ZMIZ1: variants seen among roughly 807,000 people sequenced by gnomAD.
ZMIZ1 encodes zinc finger MIZ-type containing 1.
A neutral mutation model predicts 113.9 loss-of-function variants in ZMIZ1; 17 were observed. The observed-to-expected ratio is 0.15, with a 90% CI of 0.10 to 0.22. The LOEUF (loss-of-function observed/expected upper bound fraction) is 0.22, where lower values mean the gene tolerates loss of function less well. Among genes scored for constraint, ZMIZ1 ranks in the 10% least tolerant of loss-of-function variants. The pLI is 1.00. For missense variants in ZMIZ1, 1,059 were observed against 1,477.8 expected, an observed-to-expected ratio of 0.72 and a Z score of 4.65; for synonymous variants, 607 against 603.1, an observed-to-expected ratio of 1.01 and a Z score of -0.09.
At position 79,254,013 on chromosome 10, in the gene ZMIZ1, A is replaced by G. The variant is rs188536622; in HGVS notation, c.281-23168A>G. Among the ~76,000 whole-genome samples, 457 of 152,334 alleles carry G rather than the reference A, an allele frequency of 3.0e-3. 7 individuals carry two copies. Among genetic ancestry groups the G allele is most frequent in the Non-Finnish European group, 6.8e-4 (46 of 68,028 alleles). ...TAGCTTAAATTTTTATTTTCAGCCA[A>G]CTTTGTTTTTAATGTTGAGTAGCTA... On this transcript the variant is annotated intron_variant, in intron 7 of 24. Transcript: ENST00000334512.
In ZMIZ1 at chr10:79,310,255, G is replaced by A. The variant is rs1837185820; in HGVS notation, c.2836-669G>A. ...AGTGGGATGTCTAGGAAAAGGGTCT[G>A]GCAGGGTGTGAAGATGCCCCTGGCT... is the stretch of plus-strand genomic sequence containing the variant. On this transcript the variant is annotated intron_variant, in intron 23 of 24. Coordinates refer to ENST00000334512, the MANE Select transcript of ZMIZ1 (RefSeq NM_020338.4). Among the ~76,000 whole-genome samples the A allele has an allele frequency of 2.0e-5, 3 of 152,194 alleles. No individual in the cohort carries two copies. The South Asian group carries it at 6.2e-4, about 31-fold the overall frequency.
At chr10:79,178,536 C>T (rs1452372676) in intron 4 of ZMIZ1, among the ~76,000 whole-genome samples, 1 of 152,202 alleles carries the variant, frequency 6.6e-6, no homozygotes, top group Non-Finnish European at 1.5e-5. Flanking sequence ...CAGGAGGAGC[C>T]ATCTTCAGCC....
chr10:79,155,713 G>A (rs904538373), intron 3 of ZMIZ1, among the ~76,000 whole-genome samples: 1 of 152,242 alleles, frequency 6.6e-6, no homozygotes, highest in Admixed American at 6.5e-5. Context: ...GCCTTGGAGA[G>A]GCCCCCAGGG....
At position 79,297,515 on chromosome 10, in the gene ZMIZ1, AT is replaced by A. The variant is rs373827642; in HGVS notation, c.1414-97del. 24 of 1,016,484 alleles carry A rather than the reference AT, an allele frequency of 2.4e-5. No homozygotes were observed. In the African/African-American group the frequency reaches 3.3e-4, roughly 14 times the overall value. 63.0% of individuals were successfully genotyped at this position (1,016,484 alleles called of 1,614,324 possible). On this transcript the variant is annotated intron_variant, in intron 13 of 24. Coordinates refer to ENST00000334512, the MANE Select transcript of ZMIZ1 (RefSeq NM_020338.4). ...CCAGCAGTGGATGGGCCCCTGTAGC[AT>A]CCCCGTGCTCCTGGTAGATTTTACT...
chr10:79,299,911 A>C (rs1173008604), intron 16 of ZMIZ1, among the ~76,000 whole-genome samples: 3 of 151,388 alleles, frequency 2.0e-5, no homozygotes, highest in Non-Finnish European at 4.4e-5. Context: ...CTTCATCCTC[A>C]GTCAAGACTC....
intron 1 of ZMIZ1, among the ~76,000 whole-genome samples, chr10:79,088,336 C>G (rs4512768): frequency 0.31 from 46,595 of 152,184 alleles, 7,351 homozygotes; most frequent in Non-Finnish European, 0.33. Flanking sequence ...GCAAAACTCC[C>G]TGGGCAGGGC....
intron 3 of ZMIZ1, among the ~76,000 whole-genome samples, chr10:79,160,504 T>G (rs566440389): frequency 3.3e-5 from 5 of 152,358 alleles, no homozygotes; most frequent in Admixed American, 6.5e-5. Context: ...GAGGGAGGCC[T>G]TCTCTTTATT....
chr10:79,183,293 T>G (rs1415409310), intron 4 of ZMIZ1, among the ~76,000 whole-genome samples: 3 of 152,138 alleles, frequency 2.0e-5, no homozygotes, highest in Non-Finnish European at 4.4e-5. Flanking sequence ...TCTGTTTTCT[T>G]GGAGGGTTAT....
At chr10:79,101,151 G>A (rs1832388) in intron 1 of ZMIZ1, among the ~76,000 whole-genome samples, 2,754 of 152,262 alleles carry the variant, frequency 0.018, 85 homozygotes, top group African/African-American at 0.063. Flanking sequence ...GAGTAATTCA[G>A]CATACAGTTG....
intron 4 of ZMIZ1, among the ~76,000 whole-genome samples, chr10:79,193,691 G>T (rs931071438): frequency 6.6e-6 from 1 of 152,182 alleles, no homozygotes; most frequent in African/African-American, 2.4e-5. Flanking sequence ...ACATGGAGGG[G>T]ATAGGGATGG....
At chr10:79,178,994 T>G (rs965214504) in intron 4 of ZMIZ1, among the ~76,000 whole-genome samples, 2 of 152,204 alleles carry the variant, frequency 1.3e-5, no homozygotes, top group African/African-American at 4.8e-5. Context: ...TGGGCCCATC[T>G]CAGTCCAGAC....
At chr10:79,210,378 G>A (rs553421415) in intron 6 of ZMIZ1, among the ~76,000 whole-genome samples, 2 of 152,346 alleles carry the variant, frequency 1.3e-5, no homozygotes, top group East Asian at 3.9e-4. Flanking sequence ...TCTTGTTGGG[G>A]GACAGGCCCT....
At chr10:79,103,767 CCCTGGGGG>C (rs1234138547) in intron 1 of ZMIZ1, among the ~76,000 whole-genome samples, 3 of 152,116 alleles carry the variant, frequency 2.0e-5, no homozygotes, top group African/African-American at 7.2e-5. Flanking sequence ...GCGAGTGCTT[CCCTGGGGG>C]CCTGGCCTGG....
chr10:79,291,300 A>G (rs772637892), intron 10 of ZMIZ1, 124 bp downstream of exon 10: 4 of 1,240,716 alleles, frequency 3.2e-6, no homozygotes, highest in Non-Finnish European at 4.3e-6. Flanking sequence ...CTCTGTTGTT[A>G]CATGAGTTGA....
In ZMIZ1 at chr10:79,200,367, G is replaced by A. The variant is rs114068147; in HGVS notation, c.-49-1217G>A. On this transcript the variant is annotated intron_variant, in intron 4 of 24. Transcript: ENST00000334512. ...CCTTCCTCTCTCTACCTAGATCCCC[G>A]CCTTTGCTGTGTGGCCTCCCTGGAG... Among the ~76,000 whole-genome samples the A allele has an allele frequency of 9.6e-3, 1,456 of 152,304 alleles. 29 individuals are homozygous for A. Among genetic ancestry groups the A allele is most frequent in the African/African-American group, 0.033 (1,388 of 41,572 alleles).
chr10:79,312,606 C>T (rs758746009), intron 24 of ZMIZ1, 36 bp from the exon 25 acceptor site: 14 of 1,610,464 alleles, frequency 8.7e-6, no homozygotes, highest in Admixed American at 1.7e-5. Flanking sequence ...CTCTCAGGCA[C>T]ACCTCATCTG....
chr10:79,217,529 AAC>A (rs1479832975), intron 7 of ZMIZ1, among the ~76,000 whole-genome samples: 1 of 152,254 alleles, frequency 6.6e-6, no homozygotes, highest in Non-Finnish European at 1.5e-5. Flanking sequence ...GAAAAAAAGA[AAC>A]AGTTATTTCC....
rs776623255 is a variant in ZMIZ1 at position 79,208,355 on chromosome 10, A to C, written c.80A>C (p.Asn27Thr). 1.9e-6 allele frequency: 3 copies of C among 1,614,046 alleles called. No homozygotes were observed. Among genetic ancestry groups the C allele is most frequent in the Non-Finnish European group, 2.5e-6 (3 of 1,180,004 alleles). ...CCACAGCACTTACAGAATCCTGCCA[A>C]CTTCCACAATGCCGCCACGGAGCTG... ...CIKQHLQNPA[N>T]FHNAATELLD... Residue 27 changes from asparagine (N) to threonine (T), a missense_variant, in exon 6 of 25, where the codon AAC (asparagine) becomes ACC (threonine). This residue lies in a region of ZMIZ1 where 272 missense variants were observed against 350.4 expected (regional missense o/e 0.78). Transcript: ENST00000334512.
In ZMIZ1 at chr10:79,296,572, C is replaced by T; in HGVS notation, c.1332C>T (p.Asn444=). ...CCCCGAGGCCACTCACCTCCCCCAA[C>T]TACCCAGGACAGAGGATGCCCAGCC... ...PNPPRPLTSP[N]YPGQRMPSQP... is the part of the protein sequence containing the mutation. The change falls in exon 13 of 25, where the codon AAC becomes AAT. Residue 444 remains asparagine, a synonymous_variant. Transcript: ENST00000334512. This position sits in a 1 kb window ranked among gnomAD's most constrained non-coding sequence, Gnocchi z 4.1. 6.2e-7 allele frequency: 1 copy of T among 1,612,814 alleles called. No individual in the cohort carries two copies. Among genetic ancestry groups the T allele is most frequent in the Non-Finnish European group, 8.5e-7 (1 of 1,179,380 alleles).
Sources: allele counts gnomAD v4.1 joint callset (sites outside exome capture counted in the v4.1 genomes callset), GRCh38; gene constraint gnomAD v4.1.1; regional missense constraint gnomAD v4.1.1; non-coding constraint Gnocchi (gnomAD v3.1); transcripts MANE v1.5; gene names NCBI Gene and HGNC (gene_info 2026-07-23, HGNC 2026-07-21).